The following FAM20C variants were observed in gnomAD, a reference collection of about 807,000 sequenced individuals.
FAM20C encodes extracellular serine/threonine protein kinase FAM20C.
A neutral mutation model predicts 51.5 loss-of-function variants in FAM20C; 40 were observed. The observed-to-expected ratio is 0.78, with a 90% CI of 0.60 to 1.01. The LOEUF (loss-of-function observed/expected upper bound fraction) is 1.01. FAM20C is among the 50% of genes least tolerant of loss of function. The pLI is 0.00. For missense variants in FAM20C, 861 were observed against 844.7 expected (o/e 1.02, Z -0.24); for synonymous variants, 406 against 380.6 (o/e 1.07, Z -0.78).
chr7:259,271 G>C (rs901941058), intron 9 of FAM20C, among the ~76,000 whole-genome samples: 4 of 152,200 alleles, frequency 2.6e-5, no homozygotes, highest in Admixed American at 2.6e-4. Context: ...TCCTCCTGCC[G>C]GGCCCCTCTG....
intron 2 of FAM20C, among the ~76,000 whole-genome samples, chr7:203,564 G>C (rs1287512922): frequency 6.6e-6 from 1 of 152,222 alleles, no homozygotes; most frequent in Non-Finnish European, 1.5e-5. Context: ...GACTGTATCT[G>C]ATTTTAGAGC....
At chr7:222,084 C>T (rs36054987) in intron 3 of FAM20C, among the ~76,000 whole-genome samples, 1,452 of 87,414 alleles carry the variant, frequency 0.017, 55 homozygotes, top group African/African-American at 0.034. Flanking sequence ...CTGCAGGAGC[C>T]GTTCTTAGCA....
chr7:216,987 C>G (rs181250261), intron 3 of FAM20C, among the ~76,000 whole-genome samples: 12 of 152,202 alleles, frequency 7.9e-5, no homozygotes, highest in African/African-American at 1.7e-4. Context: ...GGCCTCATCC[C>G]AAGCAGCATC....
At chr7:217,941 G>A (rs776723961) in intron 3 of FAM20C, among the ~76,000 whole-genome samples, 6 of 152,242 alleles carry the variant, frequency 3.9e-5, no homozygotes, top group Non-Finnish European at 5.9e-5. Flanking sequence ...TTCTATTGAT[G>A]TTCCTGTTCG....
In FAM20C at chr7:224,420, G is replaced by A. The variant is rs1463669640; in HGVS notation, c.863+15444G>A. Among the ~76,000 whole-genome samples, 2 of 22,384 alleles carry A rather than the reference G, an allele frequency of 8.9e-5. 1 individual carries two copies. Among genetic ancestry groups the A allele is most frequent in the Non-Finnish European group, 1.8e-4 (2 of 11,220 alleles). 14.7% of individuals were successfully genotyped at this position (22,384 alleles called of 152,430 possible). On this transcript the variant is annotated intron_variant, in intron 3 of 9. Coordinates refer to ENST00000313766, the MANE Select transcript of FAM20C (RefSeq NM_020223.4). ...TGAGCCTTCTCTCACTGAGCAGAAC[G>A]GCACCCTCACGGGGTCGCACGGCGG...
intron 4 of FAM20C, 29 bp downstream of exon 4, chr7:246,536 C>CCCTTCCTTCCTCCCTCCATCCAT (rs1554254780): frequency 6.9e-7 from 1 of 1,457,626 alleles, no homozygotes; most frequent in African/African-American, 1.5e-5. Context: ...CCTCCATCCG[C>CCCTTCCTTCCTCCCTCCATCCAT]GCTCCCGTGC....
At chr7:208,691 A>G (rs1245119312) in intron 2 of FAM20C, among the ~76,000 whole-genome samples, 1 of 152,024 alleles carries the variant, frequency 6.6e-6, no homozygotes, top group Non-Finnish European at 1.5e-5. Flanking sequence ...GGAGAGATCT[A>G]CCCCAGTACT....
At position 193,274 on chromosome 7, in the gene FAM20C, C is replaced by A. The variant is rs1418698859; in HGVS notation, c.75C>A (p.Ile25=). The change falls in exon 1 of 10, where the codon ATC becomes ATA. Residue 25 remains isoleucine (I), a synonymous_variant. Coordinates refer to ENST00000313766, the MANE Select transcript of FAM20C (RefSeq NM_020223.4). ...MVFLVACALH[I]ALDLLPRLER... ...TCCTGGTGGCCTGCGCGCTGCACAT[C>A]GCCCTGGACCTGCTGCCCAGGCTGG... The A allele has an allele frequency of 1.4e-6, 2 of 1,448,846 alleles. No homozygotes were observed. Among genetic ancestry groups the A allele is most frequent in the Middle Eastern group, 1.8e-4 (1 of 5,508 alleles). The allele number at this position is 1,448,846 out of a possible 1,614,324, so 89.7% of individuals were successfully genotyped here. A position where few individuals can be genotyped will look rare whatever the true frequency, so the allele number is the denominator to read the frequency against.
Position 193,204 on chromosome 7 carries a change from AGAT to A in FAM20C, c.10_12del (p.Met4del). 2.1e-6 allele frequency: 3 copies of A among 1,456,740 alleles called. No homozygotes were observed. Among genetic ancestry groups the A allele is most frequent in the Non-Finnish European group, 2.7e-6 (3 of 1,098,736 alleles). The allele number at this position is 1,456,740 out of a possible 1,614,324, so 90.2% of individuals were successfully genotyped here. A position where few individuals can be genotyped will look rare whatever the true frequency, so the allele number is the denominator to read the frequency against. On this transcript the variant is annotated inframe_deletion, in exon 1 of 10. Coordinates refer to ENST00000313766, the MANE Select transcript of FAM20C (RefSeq NM_020223.4). ...CCCGGGCCGGCCCGCGCGGCCATGA[AGAT>A]GATGCTGGTGCGCCGGTTCCGCGTG... is the stretch of plus-strand genomic sequence containing the variant.
intron 3 of FAM20C, among the ~76,000 whole-genome samples, chr7:220,790 G>A (rs1043362298): frequency 1.3e-5 from 2 of 152,198 alleles, no homozygotes; most frequent in African/African-American, 2.4e-5. Context: ...GAGCATAGGA[G>A]GCCTGGGGCG....
At chr7:196,790 A>T (rs2115042271) in intron 2 of FAM20C, among the ~76,000 whole-genome samples, 1 of 152,064 alleles carries the variant, frequency 6.6e-6, no homozygotes, top group East Asian at 1.9e-4. Context: ...CCGGGTGCTG[A>T]GTTGTTTGCT....
At chr7:222,172 C>T (rs1583307170) in intron 3 of FAM20C, among the ~76,000 whole-genome samples, 1 of 152,126 alleles carries the variant, frequency 6.6e-6, no homozygotes, top group South Asian at 2.1e-4. Context: ...CTGGAGGCCA[C>T]GCAGGGATGT....
chr7:218,575 C>T (rs897269116), intron 3 of FAM20C, among the ~76,000 whole-genome samples: 4 of 152,150 alleles, frequency 2.6e-5, no homozygotes, highest in Admixed American at 1.3e-4. Context: ...GTGTGGGCAT[C>T]GTTGTGCGGC....
intron 3 of FAM20C, among the ~76,000 whole-genome samples, chr7:220,971 G>A (rs1355473034): frequency 1.4e-5 from 2 of 141,558 alleles, no homozygotes; most frequent in South Asian, 2.5e-4. Flanking sequence ...TCTGGGCACA[G>A]GGCGGAGGCT....
At chr7:257,781 C>T (rs369410559) in intron 8 of FAM20C, among the ~76,000 whole-genome samples, 1,150 of 95,344 alleles carry the variant, frequency 0.012, 1 homozygote, top group African/African-American at 0.035. Context: ...ACCCACTGCC[C>T]GGGGTGCTGG....
intron 5 of FAM20C, among the ~76,000 whole-genome samples, chr7:249,620 G>A (rs1018816862): frequency 4.6e-5 from 7 of 152,138 alleles, no homozygotes; most frequent in Non-Finnish European, 1.0e-4. Flanking sequence ...CTTATCTGTG[G>A]TCCCAGCTAC....
In FAM20C at chr7:259,993, G is replaced by T. The variant is rs1023599320; in HGVS notation, c.*13G>T. ...CTCGGCGAGGTAGTGTCCGCCGGCCGCTGCGCTGCCCGGGACGGAGACAGA... is the reference window on the plus strand; with the variant it reads ...CTCGGCGAGGTAGTGTCCGCCGGCCTCTGCGCTGCCCGGGACGGAGACAGA... On this transcript the variant is annotated 3_prime_UTR_variant, in exon 10 of 10. Transcript: ENST00000313766. 1 of 1,501,242 alleles carries T rather than the reference G, an allele frequency of 6.7e-7. No homozygotes were observed. Among genetic ancestry groups the T allele is most frequent in the Non-Finnish European group, 8.9e-7 (1 of 1,122,246 alleles). 93.0% of individuals were successfully genotyped at this position (1,501,242 alleles called of 1,614,324 possible).
chr7:248,343 G>A lies in FAM20C; in HGVS notation c.985G>A (p.Val329Met), dbSNP rs1176481802. Residue 329 changes from valine to methionine, a missense_variant, in exon 5 of 10, where the codon GTG (valine) becomes ATG (methionine). By Grantham distance (21) the Val-to-Met change is conservative (BLOSUM62 1). Around this residue, in one of 3 missense-constraint regions of FAM20C, gnomAD observed 561 missense variants for 499.8 expected, o/e 1.12. Coordinates refer to ENST00000313766, the MANE Select transcript of FAM20C (RefSeq NM_020223.4). ...CCTGGACTTCCGCCGGGTCCCTCCC[G>A]TGGCCGGCAGGATGGTCAACATGAC... ...RILDFRRVPP[V>M]AGRMVNMTKE... 10 of 1,536,896 alleles carry A rather than the reference G, an allele frequency of 6.5e-6. No individual in the cohort carries two copies. Among genetic ancestry groups the A allele is most frequent in the South Asian group, 3.6e-5 (3 of 84,066 alleles).
At chr7:219,108 G>C (rs957010171) in intron 3 of FAM20C, among the ~76,000 whole-genome samples, 1 of 152,178 alleles carries the variant, frequency 6.6e-6, no homozygotes, top group African/African-American at 2.4e-5. Context: ...GGTGGTGGTG[G>C]TGTTTGGAGG....
Sources: gnomAD v4.1 joint callset for allele counts (sites outside exome capture counted in the v4.1 genomes callset) on GRCh38, gnomAD v4.1.1 for gene constraint, gnomAD v4.1.1 regional missense constraint, MANE v1.5 for transcripts, NCBI Gene and HGNC (gene_info 2026-07-23, HGNC 2026-07-21) for gene names.